PAX8: variants seen among roughly 807,000 people sequenced by gnomAD.
The protein encoded by PAX8 is paired box 8, also known as paired box protein Pax-8.
A neutral mutation model predicts 52.4 loss-of-function variants in PAX8; 15 were observed. That is an observed-to-expected ratio of 0.29 (90% CI 0.19 to 0.44). The LOEUF is 0.44. PAX8 is among the 20% of genes least tolerant of loss of function. The pLI is 1.00. For missense variants in PAX8, 554 were observed against 602.5 expected, an observed-to-expected ratio of 0.92 and a Z score of 0.84; for synonymous variants, 284 against 249.7, an observed-to-expected ratio of 1.14 and a Z score of -1.29.
chr2:113,217,324 G>C lies in PAX8; in HGVS notation c.*1209C>G. 1 of 226,418 alleles carries C rather than the reference G, an allele frequency of 4.4e-6. No individual in the cohort carries two copies. The allele number at this position is 226,418 out of a possible 1,614,324, so 14.0% of individuals were successfully genotyped here. ...TGTTCTTGGGAGAAAGCCCAGCCCCGGGATGCCTCCTTCCCCAGCCAACCC... is the reference window on the plus strand; with the variant it reads ...TGTTCTTGGGAGAAAGCCCAGCCCCCGGATGCCTCCTTCCCCAGCCAACCC... On this transcript the variant is annotated 3_prime_UTR_variant, in exon 12 of 12. Transcript: ENST00000429538.
chr2:113,242,648 G>A (rs1320359261), intron 5 of PAX8, 42 bp downstream of exon 5: 2 of 1,328,658 alleles, frequency 1.5e-6, no homozygotes, highest in East Asian at 2.3e-5. Flanking sequence ...AAGGGGAGGT[G>A]TACACGAGCA....
At chr2:113,255,753 T>C (rs1692200504) in intron 2 of PAX8, among the ~76,000 whole-genome samples, 1 of 137,912 alleles carries the variant, frequency 7.3e-6, no homozygotes, top group Admixed American at 7.2e-5. Context: ...TGGAGAATGA[T>C]GGGAGGTGAT....
chr2:113,241,753 C>A (rs762759754), intron 6 of PAX8, 27 bp from the exon 7 acceptor site: 1 of 1,611,830 alleles, frequency 6.2e-7, no homozygotes, highest in South Asian at 1.1e-5. Context: ...AGGAAGAAAG[C>A]TTTTAGGGGA....
chr2:113,247,154 C>T (rs1176750210), intron 2 of PAX8, among the ~76,000 whole-genome samples: 1 of 152,238 alleles, frequency 6.6e-6, no homozygotes, highest in Non-Finnish European at 1.5e-5. Flanking sequence ...ACAGGAGCAC[C>T]TTGGGCTTGG....
chr2:113,244,443 C>T lies in PAX8; in HGVS notation c.373G>A (p.Val125Ile). 1 of 1,613,880 alleles carries T rather than the reference C, an allele frequency of 6.2e-7. No homozygotes were observed. Among genetic ancestry groups the T allele is most frequent in the Non-Finnish European group, 8.5e-7 (1 of 1,179,788 alleles). The part of the protein sequence containing the change: ...GVCDNDTVPS[V>I]SSINRIIRTK... ...CTCTCTTACCTATTAATGGAGCTGA[C>T]ACTGGGCACAGTGTCATTGTCACAG... is the stretch of plus-strand genomic sequence containing the variant. The change falls in exon 4 of 12, where the codon GTC becomes ATC. Residue 125 changes from valine (V) to isoleucine (I), a missense_variant. By Grantham distance (29) the Val-to-Ile change is conservative. Coordinates refer to ENST00000429538, the MANE Select transcript of PAX8 (RefSeq NM_003466.4).
intron 3 of PAX8, among the ~76,000 whole-genome samples, chr2:113,245,286 TC>T (rs752752852): frequency 2.0e-5 from 3 of 152,158 alleles, no homozygotes; most frequent in Non-Finnish European, 4.4e-5. Context: ...CCTCAAGTGA[TC>T]CGCCCACCTT....
At chr2:113,230,824 C>T (rs1268091515) in intron 9 of PAX8, among the ~76,000 whole-genome samples, 2 of 152,234 alleles carry the variant, frequency 1.3e-5, no homozygotes, top group East Asian at 3.8e-4. Flanking sequence ...ACCTACTTCT[C>T]TGTTTTTAAG....
At position 113,241,621 on chromosome 2, in the gene PAX8, A is replaced by C; in HGVS notation, c.707T>G (p.Leu236Arg). 1 of 1,613,660 alleles carries C rather than the reference A, an allele frequency of 6.2e-7. No individual in the cohort carries two copies. Among genetic ancestry groups the C allele is most frequent in the Non-Finnish European group, 8.5e-7 (1 of 1,179,966 alleles). ...DAFSQHHLEP[L>R]ECPFERQHYP... is the part of the protein sequence containing the mutation. ...GTGCTGCCGCTCAAATGGGCACTCG[A>C]GCGGCTCGAGGTGGTGCTGGCTGAA... The change falls in exon 7 of 12, where the codon CTC becomes CGC. Residue 236 changes from leucine (L) to arginine (R), a missense_variant. By Grantham distance (102) the Leu-to-Arg change is moderately radical. Coordinates refer to ENST00000429538, the MANE Select transcript of PAX8 (RefSeq NM_003466.4).
intron 10 of PAX8, chr2:113,226,883 A>G: frequency 7.4e-7 from 1 of 1,347,790 alleles, no homozygotes; most frequent in Non-Finnish European, 9.6e-7. Flanking sequence ...TTGAACACAG[A>G]CCTGTCTCAG....
In PAX8 at chr2:113,278,391, G is replaced by A; in HGVS notation, c.4C>T (p.Pro2Ser). Residue 2 changes from proline to serine, a missense_variant, in exon 2 of 12, where the codon CCT (proline) becomes TCT (serine). Pro to Ser is a moderately conservative substitution (Grantham distance 74). Transcript: ENST00000429538. ...TTACCAGATCTGATGGAGTTGTGAG[G>A]CATCGCCGGGGAGTCGCTCGCAGCC... M[P>S]HNSIRSGHGG... 1 of 1,610,168 alleles carries A rather than the reference G, an allele frequency of 6.2e-7. No individual in the cohort carries two copies. The highest frequency in any genetic ancestry group is 8.5e-7 in the Non-Finnish European group (1 of 1,178,160).
In PAX8 at chr2:113,242,762, C is replaced by T. The variant is rs1259627853; in HGVS notation, c.406G>A (p.Val136Met). Residue 136 changes from valine to methionine, a missense_variant, in exon 5 of 12, where the codon GTG becomes ATG. Transcript: ENST00000429538. ...ATAGGGAGGTTGAATGGTTGCTGCA[C>T]TTTGGTCCGGATGATTCTGTGATGA... ...SSINRIIRTK[V>M]QQPFNLPMDS... The T allele has an allele frequency of 1.2e-6, 2 of 1,613,596 alleles. No individual in the cohort carries two copies. The highest frequency in any genetic ancestry group is 2.7e-5 in the African/African-American group (2 of 74,868).
At chr2:113,260,661 A>G (rs187250842) in intron 2 of PAX8, among the ~76,000 whole-genome samples, 53 of 152,234 alleles carry the variant, frequency 3.5e-4, no homozygotes, top group African/African-American at 1.1e-3. Flanking sequence ...ACTAGGGAAT[A>G]TTGAATATAA....
chr2:113,235,375 C>G lies in PAX8; in HGVS notation c.1087+19G>C. The G allele has an allele frequency of 6.4e-7, 1 of 1,553,732 alleles. No individual in the cohort carries two copies. Among genetic ancestry groups the G allele is most frequent in the Non-Finnish European group, 8.7e-7 (1 of 1,148,884 alleles). ...ACCCGCCGCCATAGCTGCATGGCCC[C>G]GGGACCTCCCTGTCGTACCTGAGAG... On this transcript the variant is annotated intron_variant, in intron 9 of 11. Coordinates refer to ENST00000429538, the MANE Select transcript of PAX8 (RefSeq NM_003466.4).
At chr2:113,234,806 C>A (rs996466152) in intron 9 of PAX8, among the ~76,000 whole-genome samples, 1 of 152,242 alleles carries the variant, frequency 6.6e-6, no homozygotes, top group Non-Finnish European at 1.5e-5. Flanking sequence ...GGGTGAGCCA[C>A]CTCGCCCGGT....
chr2:113,278,120 C>T (rs1457744838), intron 2 of PAX8, among the ~76,000 whole-genome samples: 1 of 152,218 alleles, frequency 6.6e-6, no homozygotes, highest in Non-Finnish European at 1.5e-5. Context: ...CCACAGAGAT[C>T]CCCTCACCGA....
In PAX8 at chr2:113,235,715, G is replaced by A. The variant is rs557520132; in HGVS notation, c.899-133C>T. On this transcript the variant is annotated intron_variant, in intron 8 of 11. Transcript: ENST00000429538. ...AGGCTCAGCTGCCCTCAGAGTCTGG[G>A]CTGGGGAGAGCCGGGGCCCACGAGG... The A allele has an allele frequency of 1.3e-5, 9 of 671,776 alleles. No homozygotes were observed. In the South Asian group the frequency reaches 1.7e-4, roughly 13 times the overall value. The allele number at this position is 671,776 out of a possible 1,614,324, so 41.6% of individuals were successfully genotyped here. A position where few individuals can be genotyped will look rare whatever the true frequency, so the allele number is the denominator to read the frequency against.
At chr2:113,240,967 T>A in intron 7 of PAX8, 1 of 187,516 alleles carries the variant, frequency 5.3e-6, no homozygotes, top group South Asian at 1.1e-4. Flanking sequence ...ATGATTCATG[T>A]CGGAGGGGCA....
chr2:113,253,174 G>A (rs996920131), intron 2 of PAX8, among the ~76,000 whole-genome samples: 9 of 152,068 alleles, frequency 5.9e-5, no homozygotes, highest in Non-Finnish European at 1.3e-4. Flanking sequence ...CTTTAATGGG[G>A]TTCTGTTCCC....
At position 113,258,765 on chromosome 2, in the gene PAX8, C is replaced by G. The variant is rs150628515; in HGVS notation, c.26-11846G>C. 2.2e-4 allele frequency among the ~76,000 whole-genome samples: 34 copies of G among 152,276 alleles called. No homozygotes were observed. The East Asian group carries it at 6.0e-3, about 27-fold the overall frequency. ...TCTTTGTCTTCCTAATGGTCTACCC[C>G]CCTCTCTCTTCCTCTATTAATCTGG... On this transcript the variant is annotated intron_variant, in intron 2 of 11. Coordinates refer to ENST00000429538, the MANE Select transcript of PAX8 (RefSeq NM_003466.4).
Sources: gnomAD v4.1 joint callset for allele counts (sites outside exome capture counted in the v4.1 genomes callset) on GRCh38, gnomAD v4.1.1 for gene constraint, MANE v1.5 for transcripts, NCBI Gene and HGNC (gene_info 2026-07-23, HGNC 2026-07-21) for gene names.